Variants in DAZAP1 observed in about 807,000 individuals in gnomAD.
DAZAP1 encodes DAZ-associated protein 1.
DAZAP1 carries 6 observed loss-of-function variants against 60.1 expected under a neutral mutation model. The observed-to-expected ratio is 0.10, with a 90% CI of 0.05 to 0.20. The LOEUF is 0.20. Among genes scored for constraint, DAZAP1 ranks in the 10% least tolerant of loss-of-function variants. DAZAP1 has a pLI of 1.00. For synonymous variants in DAZAP1, 235 were observed against 215.9 expected (o/e 1.09, Z -0.78); for missense variants, 366 against 560.4 (o/e 0.65, Z 3.50).
In DAZAP1 at chr19:1,407,656, GCCGCC is replaced by G. The variant is rs1459255422; in HGVS notation, c.-117_-113del. 3 of 964,464 alleles carry G rather than the reference GCCGCC, an allele frequency of 3.1e-6. No homozygotes were observed. The highest frequency in any genetic ancestry group is 3.6e-5 in the African/African-American group (2 of 55,332). 59.7% of individuals were successfully genotyped at this position (964,464 alleles called of 1,614,324 possible). ...CGCCGCCGCCGCCGCCGCCGCCGCCGCCGCCGTTGCGCAGATCCGGGCCGCGGCTG... is the reference window on the plus strand; with the variant it reads ...CGCCGCCGCCGCCGCCGCCGCCGCCGGTTGCGCAGATCCGGGCCGCGGCTG... On this transcript the variant is annotated 5_prime_UTR_variant, in exon 1 of 12. Coordinates refer to ENST00000233078, the MANE Select transcript of DAZAP1 (RefSeq NM_018959.4).
intron 4 of DAZAP1, among the ~76,000 whole-genome samples, chr19:1,420,181 A>C (rs1191635210): frequency 7.3e-4 from 5 of 6,850 alleles, no homozygotes; most frequent in African/African-American, 3.0e-3. Context: ...ACCACCCCGA[A>C]CGTCACGGCG....
rs2083370328 is a variant in DAZAP1 at position 1,428,892 on chromosome 19, A to G, written c.597A>G (p.Gly199=). The G allele has an allele frequency of 1.2e-6, 2 of 1,612,904 alleles. No homozygotes were observed. The highest frequency in any genetic ancestry group is 3.3e-5 in the Admixed American group (2 of 60,002). The change falls in exon 8 of 12, where the codon GGA becomes GGG. Residue 199 remains glycine (G), a synonymous_variant. Coordinates refer to ENST00000233078, the MANE Select transcript of DAZAP1 (RefSeq NM_018959.4). The surrounding 1 kb of genome is among the most constrained non-coding windows in gnomAD (Gnocchi z 4.0). ...GGGACAGCAAGAGCCAAGCGCCGGG[A>G]CAGCCAGGTGCCAGCCAGTGGGGGA... ...EPRDSKSQAP[G]QPGASQWGSR... is the part of the protein sequence containing the mutation.
chr19:1,414,604 C>T (rs1015213888), intron 1 of DAZAP1, among the ~76,000 whole-genome samples: 1 of 151,504 alleles, frequency 6.6e-6, no homozygotes. Flanking sequence ...AATTAGCTGG[C>T]GGGCGCCTGT....
Position 1,425,600 on chromosome 19 carries a change from C to T in DAZAP1, c.464-278C>T, listed in dbSNP as rs749386746. Reference sequence around the variant, plus strand: ...CTCCTTGTTCCAAATCTTTGTGACACGGAGCCCCAGCCCGGGGTGTCTGGG... The same window carrying T: ...CTCCTTGTTCCAAATCTTTGTGACATGGAGCCCCAGCCCGGGGTGTCTGGG... On this transcript the variant is annotated intron_variant, in intron 6 of 11. Coordinates refer to ENST00000233078, the MANE Select transcript of DAZAP1 (RefSeq NM_018959.4). The surrounding 1 kb of genome is among the most constrained non-coding windows in gnomAD (Gnocchi z 5.4). 6.6e-6 allele frequency among the ~76,000 whole-genome samples: 1 copy of T among 152,214 alleles called. No individual in the cohort carries two copies. Among genetic ancestry groups the T allele is most frequent in the African/African-American group, 2.4e-5 (1 of 41,446 alleles).
chr19:1,412,690 G>A (rs1385741463), intron 1 of DAZAP1, among the ~76,000 whole-genome samples: 1 of 152,218 alleles, frequency 6.6e-6, no homozygotes, highest in African/African-American at 2.4e-5. Context: ...CATAAATACC[G>A]CACAGGCACC....
chr19:1,418,276 A>G lies in DAZAP1; in HGVS notation c.143A>G (p.Asn48Ser). The G allele has an allele frequency of 6.2e-7, 1 of 1,614,184 alleles. No homozygotes were observed. ...DCVIMKDKTT[N>S]QSRGFGFVKF... ...GTTATCATGAAAGATAAAACCACCA[A>G]CCAGTCTCGAGGCTTTGGGTTTGTC... is the stretch of plus-strand genomic sequence containing the variant. Residue 48 changes from asparagine to serine, a missense_variant, in exon 3 of 12, where the codon AAC (asparagine) becomes AGC (serine). Asn to Ser is a conservative substitution (Grantham distance 46). Transcript: ENST00000233078. This position sits in a 1 kb window ranked among gnomAD's most constrained non-coding sequence, Gnocchi z 5.7.
At chr19:1,410,573 A>T (rs1037669561) in intron 1 of DAZAP1, among the ~76,000 whole-genome samples, 3 of 152,132 alleles carry the variant, frequency 2.0e-5, no homozygotes. Context: ...AGCGCCTCTG[A>T]CTTGGATTCT....
chr19:1,429,090 C>T, intron 8 of DAZAP1, 95 bp downstream of exon 8: 1 of 1,397,170 alleles, frequency 7.2e-7, no homozygotes, highest in South Asian at 1.5e-5. Flanking sequence ...CTCCCCACCT[C>T]TGCTGTGCAT....
At chr19:1,431,382 G>T (rs907691403) in intron 10 of DAZAP1, among the ~76,000 whole-genome samples, 1 of 151,826 alleles carries the variant, frequency 6.6e-6, no homozygotes, top group Non-Finnish European at 1.5e-5. Flanking sequence ...GCCCGCCTCG[G>T]CCTCCCAAAG....
intron 7 of DAZAP1, chr19:1,427,592 T>C (rs1404451026): frequency 6.6e-6 from 1 of 152,290 alleles, no homozygotes; most frequent in Non-Finnish European, 1.5e-5. Flanking sequence ...TTTTTTGTTT[T>C]TGTTTTTTTA....
Position 1,433,468 on chromosome 19 carries a change from C to G in DAZAP1, c.1048+778C>G. On this transcript the variant is annotated intron_variant, in intron 11 of 11. Transcript: ENST00000233078. This position sits in a 1 kb window ranked among gnomAD's most constrained non-coding sequence, Gnocchi z 6.1. ...CGGGGTGCCTGTGAACACGCTTCCT[C>G]TAGGCCTGGTGGAGGCCGGGGTGTG... 1 of 507,192 alleles carries G rather than the reference C, an allele frequency of 2.0e-6. No individual in the cohort carries two copies. 31.4% of individuals were successfully genotyped at this position (507,192 alleles called of 1,614,324 possible).
intron 8 of DAZAP1, 51 bp from the exon 9 acceptor site, chr19:1,429,916 C>A (rs751019614): frequency 3.2e-6 from 5 of 1,552,350 alleles, no homozygotes; most frequent in South Asian, 1.2e-5. Flanking sequence ...TTCTCTGCGT[C>A]GGACAGCTGG....
Position 1,430,270 on chromosome 19 carries a change from C to CCCCCTAA in DAZAP1, c.779_780insCCCCTAA (p.Phe262Ter). ...GGAAGAGGAGCCCCCCCGCCACCCCCACCGTTCACCTCCTACATCGTGTCC... is the reference window on the plus strand; with the variant it reads ...GGAAGAGGAGCCCCCCCGCCACCCCCCCCCTAAACCGTTCACCTCCTACATCGTGTCC... On this transcript the variant is annotated stop_gained and frameshift_variant, in exon 10 of 12. Transcript: ENST00000233078. LOFTEE classifies it high-confidence loss of function. 1 of 1,368,652 alleles carries CCCCCTAA rather than the reference C, an allele frequency of 7.3e-7. No individual in the cohort carries two copies. The highest frequency in any genetic ancestry group is 1.0e-6 in the Non-Finnish European group (1 of 979,206). The allele number at this position is 1,368,652 out of a possible 1,614,324, so 84.8% of individuals were successfully genotyped here. A position where few individuals can be genotyped will look rare whatever the true frequency, so the allele number is the denominator to read the frequency against.
intron 1 of DAZAP1, among the ~76,000 whole-genome samples, chr19:1,412,792 G>T (rs1422589584): frequency 6.6e-6 from 1 of 152,228 alleles, no homozygotes; most frequent in Non-Finnish European, 1.5e-5. Flanking sequence ...CGTGGATTGA[G>T]CACCTGCCAG....
At chr19:1,431,648 T>C (rs8108743) in intron 10 of DAZAP1, among the ~76,000 whole-genome samples, 42,259 of 152,096 alleles carry the variant, frequency 0.28, 10,280 homozygotes, top group African/African-American at 0.65. Context: ...AGGCTGGTCT[T>C]GAACTCCTGA....
intron 1 of DAZAP1, among the ~76,000 whole-genome samples, chr19:1,413,828 G>A (rs566827690): frequency 2.0e-5 from 3 of 152,324 alleles, no homozygotes; most frequent in South Asian, 4.1e-4. Context: ...ATTCTGTCTT[G>A]TTCTCAGTAA....
rs118003419 is a variant in DAZAP1 at position 1,418,531 on chromosome 19, G to A, written c.238-135G>A. 64,511 of 1,431,944 alleles carry A rather than the reference G, an allele frequency of 0.045. 1,744 individuals carry two copies. The highest frequency in any genetic ancestry group is 0.053 in the Non-Finnish European group (53,966 of 1,020,952). 88.7% of individuals were successfully genotyped at this position (1,431,944 alleles called of 1,614,324 possible). A position where few individuals can be genotyped will look rare whatever the true frequency, so the allele number is the denominator to read the frequency against. ...TTGGTGCTGAGGCTGGATATTGCAG[G>A]AGGATACAGGGTGAATGGAGCCGGC... On this transcript the variant is annotated intron_variant, in intron 3 of 11. Transcript: ENST00000233078. This position sits in a 1 kb window ranked among gnomAD's most constrained non-coding sequence, Gnocchi z 5.7.
intron 10 of DAZAP1, among the ~76,000 whole-genome samples, chr19:1,431,653 T>C (rs1032074242): frequency 2.0e-5 from 3 of 152,324 alleles, no homozygotes; most frequent in African/African-American, 7.2e-5. Context: ...GGTCTTGAAC[T>C]CCTGACCTCA....
chr19:1,408,520 C>T (rs2082730471), intron 1 of DAZAP1, among the ~76,000 whole-genome samples: 1 of 152,234 alleles, frequency 6.6e-6, no homozygotes, highest in South Asian at 2.1e-4. Context: ...GGGCTCCGGG[C>T]TCCCCGCTCC....
Sources: gnomAD v4.1 joint callset for allele counts (sites outside exome capture counted in the v4.1 genomes callset) on GRCh38, gnomAD v4.1.1 for gene constraint, Gnocchi (gnomAD v3.1) non-coding constraint, MANE v1.5 for transcripts, NCBI Gene and HGNC (gene_info 2026-07-23, HGNC 2026-07-21) for gene names.